The following FEZ1 variants were observed in gnomAD, a reference collection of about 807,000 sequenced individuals.
FEZ1 encodes the protein fasciculation and elongation protein zeta-1.
A neutral mutation model predicts 49.3 loss-of-function variants in FEZ1; 20 were observed. That is an observed-to-expected ratio of 0.41 (90% CI 0.29 to 0.59). FEZ1 has a LOEUF of 0.59. Ranked by LOEUF, FEZ1 falls within the 20% of genes least tolerant of loss-of-function variation. FEZ1 has a pLI of 0.36. For synonymous variants in FEZ1, 170 were observed against 180.9 expected (o/e 0.94, Z 0.48); for missense variants, 413 against 476.0 (o/e 0.87, Z 1.23).
At chr11:125,470,436 G>C (rs764917323) in intron 3 of FEZ1, among the ~76,000 whole-genome samples, 1 of 152,146 alleles carries the variant, frequency 6.6e-6, no homozygotes, top group Non-Finnish European at 1.5e-5. Flanking sequence ...ATATTCAGAA[G>C]ATCAGCTTCA....
At chr11:125,493,945 AG>A (rs1404093235) in intron 1 of FEZ1, among the ~76,000 whole-genome samples, 3 of 152,214 alleles carry the variant, frequency 2.0e-5, no homozygotes, top group African/African-American at 7.2e-5. Flanking sequence ...TGTTGGCAAC[AG>A]GAAGAGTGTG....
intron 3 of FEZ1, among the ~76,000 whole-genome samples, chr11:125,466,627 G>T (rs1957132890): frequency 6.6e-6 from 1 of 152,214 alleles, no homozygotes; most frequent in Non-Finnish European, 1.5e-5. Context: ...ATACCATTCA[G>T]CAAGCTGTTT....
At chr11:125,483,514 C>G (rs894162835) in intron 2 of FEZ1, among the ~76,000 whole-genome samples, 61 of 152,192 alleles carry the variant, frequency 4.0e-4, no homozygotes, top group African/African-American at 1.4e-3. Flanking sequence ...CTGCATTAAT[C>G]CAGGCTAATT....
intron 7 of FEZ1, 66 bp from the exon 8 acceptor site, chr11:125,452,475 G>T (rs1681228929): frequency 1.4e-5 from 15 of 1,057,502 alleles, no homozygotes; most frequent in Non-Finnish European, 2.2e-5. Flanking sequence ...TTGAGATTTA[G>T]CCTTTCTCTA....
chr11:125,449,266 GA>G (rs1956927636), intron 8 of FEZ1, among the ~76,000 whole-genome samples: 1 of 147,102 alleles, frequency 6.8e-6, no homozygotes, highest in East Asian at 2.0e-4. Context: ...GGCTGGTCTT[GA>G]ACTCCTGGGC....
intron 3 of FEZ1, among the ~76,000 whole-genome samples, chr11:125,476,562 A>G (rs1303332402): frequency 6.6e-6 from 1 of 152,174 alleles, no homozygotes; most frequent in Non-Finnish European, 1.5e-5. Flanking sequence ...GAAGGAAAAA[A>G]TTCATTCTAA....
chr11:125,493,551 A>G (rs537721417), intron 1 of FEZ1, among the ~76,000 whole-genome samples: 12 of 150,966 alleles, frequency 7.9e-5, no homozygotes, highest in South Asian at 6.3e-4. Flanking sequence ...AGAAAGAAAG[A>G]AAGGTGATGT....
rs1956886280 is a variant in FEZ1, at chr11:125,444,927, C to T, written c.*1168G>A. ...TGATGTGTGCTAATGCACGATGAAG[C>T]CAGTGCAGGCTACAGCAAGTGCCCA... On this transcript the variant is annotated 3_prime_UTR_variant, in exon 10 of 10. Coordinates refer to ENST00000278919, the MANE Select transcript of FEZ1 (RefSeq NM_005103.5). Among the ~76,000 whole-genome samples the T allele has an allele frequency of 6.6e-6, 1 of 152,172 alleles. No homozygotes were observed.
At chr11:125,451,550 G>A (rs1956957542) in intron 8 of FEZ1, 1 of 152,180 alleles carries the variant, frequency 6.6e-6, no homozygotes, top group Admixed American at 6.5e-5. Context: ...CTCGTTAGCT[G>A]TCACTCTCTG....
intron 9 of FEZ1, 121 bp from the exon 10 acceptor site, chr11:125,446,232 C>A: frequency 2.3e-6 from 2 of 859,890 alleles, no homozygotes; most frequent in Admixed American, 1.8e-5. Flanking sequence ...ACAGCCCCCA[C>A]TTAGTGCCTA....
At position 125,493,467 on chromosome 11, in the gene FEZ1, AAAGAAGGAAAGAAGGAAAGAAG is replaced by A. The variant is rs1343314799; in HGVS notation, c.-46+2632_-46+2653del. Among the ~76,000 whole-genome samples, 9 of 76,538 alleles carry A rather than the reference AAAGAAGGAAAGAAGGAAAGAAG, an allele frequency of 1.2e-4. 1 individual carries two copies. Among genetic ancestry groups the A allele is most frequent in the African/African-American group, 4.5e-4 (6 of 13,402 alleles). The allele number at this position is 76,538 out of a possible 152,430, so 50.2% of individuals were successfully genotyped here. A position where few individuals can be genotyped will look rare whatever the true frequency, so the allele number is the denominator to read the frequency against. ...GAAAGAAGGAAAGAAGGAAAGAAGG[AAAGAAGGAAAGAAGGAAAGAAG>A]GAAAGAAAGAAAGAAAGAGAGAAAG... On this transcript the variant is annotated intron_variant, in intron 1 of 9. Coordinates refer to ENST00000278919, the MANE Select transcript of FEZ1 (RefSeq NM_005103.5).
intron 1 of FEZ1, among the ~76,000 whole-genome samples, chr11:125,494,037 C>T (rs1310575783): frequency 4.6e-5 from 7 of 152,232 alleles, no homozygotes. Context: ...AATATCACAG[C>T]TCTAGGGTTC....
chr11:125,484,043 T>G (rs559373120), intron 2 of FEZ1, among the ~76,000 whole-genome samples: 24 of 152,370 alleles, frequency 1.6e-4, no homozygotes, highest in South Asian at 2.1e-4. Context: ...CCTTTTTCCT[T>G]GCTGACATAC....
At position 125,493,489 on chromosome 11, in the gene FEZ1, GGAAAGAAAGAAAGAAAGAGA is replaced by G. The variant is rs1565307284; in HGVS notation, c.-46+2612_-46+2631del. 2.0e-3 allele frequency among the ~76,000 whole-genome samples: 101 copies of G among 49,720 alleles called. 1 individual carries two copies. Among genetic ancestry groups the G allele is most frequent in the East Asian group, 4.4e-3 (7 of 1,576 alleles). The allele number at this position is 49,720 out of a possible 152,430, so 32.6% of individuals were successfully genotyped here. ...AGGAAAGAAGGAAAGAAGGAAAGAA[GGAAAGAAAGAAAGAAAGAGA>G]GAAAGAAAGAAAGAAAGAAAGAAAG... is the stretch of plus-strand genomic sequence containing the variant. On this transcript the variant is annotated intron_variant, in intron 1 of 9. Coordinates refer to ENST00000278919, the MANE Select transcript of FEZ1 (RefSeq NM_005103.5).
chr11:125,457,785 A>C (rs1957034530), intron 5 of FEZ1, among the ~76,000 whole-genome samples: 1 of 152,028 alleles, frequency 6.6e-6, no homozygotes, highest in African/African-American at 2.4e-5. Flanking sequence ...CAATCCAATT[A>C]TACTCTTTTA....
chr11:125,457,425 AAAAAATAT>A (rs1163473230), intron 5 of FEZ1, among the ~76,000 whole-genome samples: 2 of 32,902 alleles, frequency 6.1e-5, no homozygotes, highest in Non-Finnish European at 1.1e-4. Flanking sequence ...AAAAAAAAAA[AAAAAATAT>A]ATATATATAT....
intron 6 of FEZ1, among the ~76,000 whole-genome samples, chr11:125,455,024 A>G (rs903127041): frequency 6.6e-6 from 1 of 151,060 alleles, no homozygotes; most frequent in African/African-American, 2.4e-5. Flanking sequence ...ACCAAAAAAA[A>G]AAAAAAGAAA....
Position 125,444,679 on chromosome 11 carries a change from CTGA to C in FEZ1, c.*1413_*1415del, listed in dbSNP as rs564838982. On this transcript the variant is annotated 3_prime_UTR_variant, in exon 10 of 10. Coordinates refer to ENST00000278919, the MANE Select transcript of FEZ1 (RefSeq NM_005103.5). ...GATTCTGTGGCCTTCTGTGGAGCTG[CTGA>C]TGTGATAAAGTATGGCTTTCTCTGT... 2.0e-3 allele frequency among the ~76,000 whole-genome samples: 306 copies of C among 152,144 alleles called. 1 individual carries two copies. The highest frequency in any genetic ancestry group is 6.8e-3 in the Middle Eastern group (2 of 294).
chr11:125,464,799 G>A (rs951940497), intron 3 of FEZ1, among the ~76,000 whole-genome samples: 5 of 152,216 alleles, frequency 3.3e-5, no homozygotes, highest in African/African-American at 1.2e-4. Flanking sequence ...AGGACAGGGA[G>A]GTAATGGAAT....
Sources: gnomAD v4.1 joint callset for allele counts (sites outside exome capture counted in the v4.1 genomes callset) on GRCh38, gnomAD v4.1.1 for gene constraint, MANE v1.5 for transcripts, NCBI Gene and HGNC (gene_info 2026-07-23, HGNC 2026-07-21) for gene names.